The following CTNNA3 variants were observed in gnomAD, a reference collection of about 807,000 sequenced individuals.
The protein encoded by CTNNA3 is catenin alpha-3.
A neutral mutation model predicts 95.7 loss-of-function variants in CTNNA3; 76 were observed. The ratio of observed to expected loss-of-function variants is 0.79; its 90% CI spans 0.66 to 0.96. CTNNA3 has a LOEUF of 0.96. Ranked by LOEUF, CTNNA3 falls within the 40% of genes least tolerant of loss-of-function variation. CTNNA3 has a pLI of 0.00. For synonymous variants in CTNNA3, 431 were observed against 374.4 expected, an observed-to-expected ratio of 1.15 and a Z score of -1.74; for missense variants, 1,191 against 1,089.8, an observed-to-expected ratio of 1.09 and a Z score of -1.31.
At chr10:66,805,116 T>A (rs1841588641) in intron 7 of CTNNA3, among the ~76,000 whole-genome samples, 1 of 152,050 alleles carries the variant, frequency 6.6e-6, no homozygotes, top group African/African-American at 2.4e-5. Flanking sequence ...TCGTCACAAT[T>A]TGTTGCTGGA....
intron 1 of CTNNA3, among the ~76,000 whole-genome samples, chr10:67,726,397 ATATAT>A (rs1251205354): frequency 1.7e-5 from 1 of 58,116 alleles, no homozygotes; most frequent in Non-Finnish European, 2.5e-5. Context: ...TATATATATT[ATATAT>A]TATATCATAT....
chr10:66,389,213 T>A (rs2441723), intron 11 of CTNNA3, among the ~76,000 whole-genome samples: 17,707 of 128,952 alleles, frequency 0.14, 1,621 homozygotes, highest in African/African-American at 0.32. Flanking sequence ...TCCTCAAAAA[T>A]TTTTTTTTTC....
chr10:66,113,481 A>G (rs556047649), intron 13 of CTNNA3, among the ~76,000 whole-genome samples: 2 of 152,302 alleles, frequency 1.3e-5, no homozygotes, highest in African/African-American at 4.8e-5. Flanking sequence ...TAAGGCTGGA[A>G]CTATGGTAGA....
intron 5 of CTNNA3, among the ~76,000 whole-genome samples, chr10:67,482,017 A>G (rs1483684557): frequency 6.6e-6 from 1 of 152,020 alleles, no homozygotes; most frequent in Non-Finnish European, 1.5e-5. Context: ...TCCTTTCCCC[A>G]TTGCTTGTTT....
At chr10:66,659,989 T>A (rs1846205965) in intron 9 of CTNNA3, among the ~76,000 whole-genome samples, 1 of 152,062 alleles carries the variant, frequency 6.6e-6, no homozygotes, top group African/African-American at 2.4e-5. Flanking sequence ...ATTCCTGGGT[T>A]TTTTTTCTTT....
intron 15 of CTNNA3, among the ~76,000 whole-genome samples, chr10:65,991,642 T>C (rs2078548601): frequency 6.6e-6 from 1 of 151,976 alleles, no homozygotes; most frequent in Non-Finnish European, 1.5e-5. Context: ...AATCTAAGAG[T>C]GTTTTGGTGG....
intron 7 of CTNNA3, chr10:66,926,902 A>T: frequency 6.5e-7 from 1 of 1,540,322 alleles, no homozygotes; most frequent in Non-Finnish European, 8.7e-7. Flanking sequence ...TAACTTTTCT[A>T]AGTTGTTTTT....
intron 12 of CTNNA3, among the ~76,000 whole-genome samples, chr10:66,328,149 A>G (rs2092278864): frequency 1.3e-5 from 2 of 152,062 alleles, no homozygotes; most frequent in South Asian, 4.1e-4. Flanking sequence ...TAATGACAAC[A>G]ATCTTTTATT....
intron 12 of CTNNA3, among the ~76,000 whole-genome samples, chr10:66,302,094 T>A (rs931878972): frequency 6.6e-6 from 1 of 151,982 alleles, no homozygotes. Context: ...AAGAGATACT[T>A]AGTATAAATC....
At position 67,139,004 on chromosome 10, in the gene CTNNA3, A is replaced by C. The variant is rs1217762249; in HGVS notation, c.1047+41313T>G. Reference sequence around the variant, plus strand: ...CTGTTTAATATAAATACAAAATAAAATCATACTCTTAAAGATTTTCAGGTA... The same window carrying C: ...CTGTTTAATATAAATACAAAATAAACTCATACTCTTAAAGATTTTCAGGTA... On this transcript the variant is annotated intron_variant, in intron 7 of 17. Transcript: ENST00000433211. 3.9e-5 allele frequency among the ~76,000 whole-genome samples: 6 copies of C among 152,234 alleles called. 1 individual carries two copies. The highest frequency in any genetic ancestry group is 3.9e-4 in the Admixed American group (6 of 15,280).
intron 5 of CTNNA3, among the ~76,000 whole-genome samples, chr10:67,493,672 T>C (rs1838936386): frequency 1.3e-5 from 2 of 152,206 alleles, no homozygotes; most frequent in Non-Finnish European, 2.9e-5. Context: ...TTGTGGCATC[T>C]GATACTTAAT....
chr10:67,475,178 A>G (rs1328580588), intron 5 of CTNNA3, among the ~76,000 whole-genome samples: 2 of 152,262 alleles, frequency 1.3e-5, no homozygotes, highest in African/African-American at 2.4e-5. Flanking sequence ...AAACAGCCAC[A>G]TTATTACATG....
chr10:66,111,946 T>C (rs1158379542), intron 13 of CTNNA3, among the ~76,000 whole-genome samples: 1 of 152,192 alleles, frequency 6.6e-6, no homozygotes, highest in Non-Finnish European at 1.5e-5. Context: ...GTAAAACTGA[T>C]AATTTTTGTA....
chr10:66,931,828 GAATA>G (rs1262424132), intron 7 of CTNNA3, among the ~76,000 whole-genome samples: 2 of 152,252 alleles, frequency 1.3e-5, no homozygotes, highest in East Asian at 1.9e-4. Context: ...AACGCAATAA[GAATA>G]GATAAGAAAT....
At chr10:66,200,846 C>T (rs1309176265) in intron 13 of CTNNA3, among the ~76,000 whole-genome samples, 2 of 152,194 alleles carry the variant, frequency 1.3e-5, no homozygotes, top group African/African-American at 4.8e-5. Flanking sequence ...TTAGGTTGCA[C>T]TTTGTAGAAA....
chr10:67,385,172 C>G (rs1410923013), intron 5 of CTNNA3, among the ~76,000 whole-genome samples: 1 of 152,112 alleles, frequency 6.6e-6, no homozygotes, highest in Admixed American at 6.5e-5. Flanking sequence ...GTGAATGCTA[C>G]CAAAAAAGGG....
At chr10:67,117,909 A>G (rs1184060909) in intron 7 of CTNNA3, among the ~76,000 whole-genome samples, 3 of 152,060 alleles carry the variant, frequency 2.0e-5, no homozygotes, top group Non-Finnish European at 4.4e-5. Flanking sequence ...GGATGACTTC[A>G]TAGATATTTA....
intron 10 of CTNNA3, among the ~76,000 whole-genome samples, chr10:66,613,133 G>A (rs1844385006): frequency 6.6e-6 from 1 of 151,964 alleles, no homozygotes; most frequent in African/African-American, 2.4e-5. Flanking sequence ...TGAGATTCTT[G>A]CCTTGGCCTG....
intron 1 of CTNNA3, among the ~76,000 whole-genome samples, chr10:67,724,623 A>G (rs962035701): frequency 1.3e-5 from 2 of 152,180 alleles, no homozygotes; most frequent in African/African-American, 4.8e-5. Context: ...CCCACAACCA[A>G]TGGGGGCAAG....
Sources: allele counts gnomAD v4.1 joint callset (sites outside exome capture counted in the v4.1 genomes callset), GRCh38; gene constraint gnomAD v4.1.1; transcripts MANE v1.5; gene names NCBI Gene and HGNC (gene_info 2026-07-23, HGNC 2026-07-21).